CDH18: variants seen among roughly 807,000 people sequenced by gnomAD.
The protein encoded by CDH18 is cadherin 18, also known as cadherin-18.
A neutral mutation model predicts 67.9 loss-of-function variants in CDH18; 31 were observed. That is an observed-to-expected ratio of 0.46 (90% CI 0.34 to 0.62). CDH18 has a LOEUF of 0.62. CDH18 is among the 20% of genes least tolerant of loss of function. CDH18 has a pLI of 0.01. For missense variants in CDH18, 890 were observed against 975.5 expected, an observed-to-expected ratio of 0.91 and a Z score of 1.17; for synonymous variants, 362 against 347.2, an observed-to-expected ratio of 1.04 and a Z score of -0.48.
At chr5:19,902,829 G>A (rs1298698318) in intron 2 of CDH18, among the ~76,000 whole-genome samples, 2 of 152,016 alleles carry the variant, frequency 1.3e-5, no homozygotes, top group African/African-American at 4.8e-5. Context: ...CTCTAAAGTG[G>A]GCCTTATCTA....
chr5:20,079,852 G>C (rs970677950), intron 2 of CDH18, among the ~76,000 whole-genome samples: 1 of 152,076 alleles, frequency 6.6e-6, no homozygotes, highest in African/African-American at 2.4e-5. Context: ...TGTCTGATGA[G>C]GCCATAGTTT....
At chr5:20,487,471 A>G (rs1166497374) in intron 1 of CDH18, among the ~76,000 whole-genome samples, 1 of 150,408 alleles carries the variant, frequency 6.6e-6, no homozygotes, top group African/African-American at 2.4e-5. Flanking sequence ...TGTATAGGTG[A>G]TGAGAAATTT....
chr5:20,429,872 T>C (rs1393663783), intron 1 of CDH18, among the ~76,000 whole-genome samples: 1 of 152,186 alleles, frequency 6.6e-6, no homozygotes, highest in East Asian at 1.9e-4. Flanking sequence ...ATGCCAATAC[T>C]AGTACATATT....
In CDH18 at chr5:20,204,359, G is replaced by GA. The variant is rs371786003; in HGVS notation, c.-518+51084dup. Among the ~76,000 whole-genome samples, 89 of 149,888 alleles carry GA rather than the reference G, an allele frequency of 5.9e-4. No individual in the cohort carries two copies. The South Asian group carries it at 0.016, about 27-fold the overall frequency. The stretch of plus-strand genomic sequence containing the variant: ...AATGACATTTTAAAAATGTATTAAG[G>GA]AAAAAAAAAGTGCCATACAAAAGTA... On this transcript the variant is annotated intron_variant, in intron 2 of 14. Transcript: ENST00000507958.
At chr5:20,196,376 C>T (rs1175578810) in intron 2 of CDH18, among the ~76,000 whole-genome samples, 2 of 152,042 alleles carry the variant, frequency 1.3e-5, no homozygotes, top group Admixed American at 1.3e-4. Flanking sequence ...AACTGAGGCA[C>T]AGAGATATCA....
chr5:19,796,522 A>G (rs996128554), intron 3 of CDH18, among the ~76,000 whole-genome samples: 9 of 152,136 alleles, frequency 5.9e-5, no homozygotes, highest in African/African-American at 2.2e-4. Flanking sequence ...ATTTTCAGAT[A>G]AAGGCAAACT....
At chr5:19,954,982 G>A (rs1324569979) in intron 2 of CDH18, among the ~76,000 whole-genome samples, 2 of 152,052 alleles carry the variant, frequency 1.3e-5, no homozygotes, top group Admixed American at 6.6e-5. Flanking sequence ...AATCCCCCAT[G>A]TGTCAAGGGC....
chr5:19,825,795 T>C (rs998043651), intron 3 of CDH18, among the ~76,000 whole-genome samples: 1 of 152,098 alleles, frequency 6.6e-6, no homozygotes, highest in Non-Finnish European at 1.5e-5. Flanking sequence ...AAAAAACTAG[T>C]ACAAGAACTC....
chr5:19,811,918 A>G (rs1442760029), intron 3 of CDH18, among the ~76,000 whole-genome samples: 2 of 152,190 alleles, frequency 1.3e-5, no homozygotes, highest in Non-Finnish European at 2.9e-5. Flanking sequence ...TACATAAACA[A>G]TAAGGAAATC....
chr5:20,343,263 G>C (rs1005455397), intron 1 of CDH18, among the ~76,000 whole-genome samples: 4 of 152,172 alleles, frequency 2.6e-5, no homozygotes, highest in Non-Finnish European at 4.4e-5. Flanking sequence ...AAGTAAAACT[G>C]ATAGGAAGCC....
chr5:19,574,931 C>T (rs548401697), intron 7 of CDH18, among the ~76,000 whole-genome samples: 15 of 151,994 alleles, frequency 9.9e-5, no homozygotes, highest in Non-Finnish European at 1.5e-4. Context: ...CCCAGCTACT[C>T]GGGAGGCTGA....
At chr5:19,716,394 T>C (rs1765345035) in intron 5 of CDH18, among the ~76,000 whole-genome samples, 1 of 152,102 alleles carries the variant, frequency 6.6e-6, no homozygotes, top group South Asian at 2.1e-4. Flanking sequence ...TATATTTATA[T>C]TATATTAATT....
At chr5:20,157,442 T>C (rs1046474058) in intron 2 of CDH18, among the ~76,000 whole-genome samples, 3 of 152,162 alleles carry the variant, frequency 2.0e-5, no homozygotes, top group Non-Finnish European at 4.4e-5. Context: ...TTTATTTTTT[T>C]ATTTATTTTC....
At chr5:19,663,198 C>A (rs181840067) in intron 5 of CDH18, among the ~76,000 whole-genome samples, 1 of 151,748 alleles carries the variant, frequency 6.6e-6, no homozygotes, top group Non-Finnish European at 1.5e-5. Flanking sequence ...TTCCAAATAA[C>A]GACAGAATTT....
At chr5:20,469,600 A>G (rs1014979892) in intron 1 of CDH18, among the ~76,000 whole-genome samples, 5 of 152,106 alleles carry the variant, frequency 3.3e-5, no homozygotes, top group Non-Finnish European at 7.3e-5. Flanking sequence ...CAGTGCTCCC[A>G]AGTGGTAGAG....
chr5:20,228,047 C>T (rs1741775146), intron 2 of CDH18, among the ~76,000 whole-genome samples: 1 of 152,064 alleles, frequency 6.6e-6, no homozygotes, highest in Non-Finnish European at 1.5e-5. Flanking sequence ...ACATGTGTTT[C>T]TTTACTTTTC....
intron 10 of CDH18, among the ~76,000 whole-genome samples, chr5:19,515,093 T>A (rs1745760508): frequency 6.6e-6 from 1 of 152,228 alleles, no homozygotes; most frequent in African/African-American, 2.4e-5. Flanking sequence ...GCACCATTTA[T>A]TAAACAGGGA....
rs1238132040 is a variant in CDH18 at position 19,587,925 on chromosome 5, G to C, written c.999+3132C>G. ...TTGATTCTTCCTATCCATGAGCATG[G>C]AATTTTTTTCGTTTGTTTCTGTCAT... On this transcript the variant is annotated intron_variant, in intron 7 of 12. Transcript: ENST00000382275. Among the ~76,000 whole-genome samples the C allele has an allele frequency of 2.6e-5, 4 of 152,140 alleles. No homozygotes were observed. The East Asian group carries it at 5.8e-4, about 22-fold the overall frequency.
At chr5:19,619,233 T>C (rs1206578393) in intron 5 of CDH18, among the ~76,000 whole-genome samples, 2 of 152,196 alleles carry the variant, frequency 1.3e-5, no homozygotes, top group South Asian at 2.1e-4. Flanking sequence ...GTGTTTCTAC[T>C]CTGTATAAAA....
Sources: allele counts gnomAD v4.1 joint callset (sites outside exome capture counted in the v4.1 genomes callset), GRCh38; gene constraint gnomAD v4.1.1; transcripts MANE v1.5; gene names NCBI Gene and HGNC (gene_info 2026-07-23, HGNC 2026-07-21).